CORIN: variants seen among roughly 807,000 people sequenced by gnomAD.
CORIN encodes the protein atrial natriuretic peptide-converting enzyme.
In CORIN, 117 loss-of-function variants were observed where a neutral mutation model predicts 125.3. That is an observed-to-expected ratio of 0.93 (90% CI 0.80 to 1.09). The LOEUF (loss-of-function observed/expected upper bound fraction) is 1.09, where lower values mean the gene tolerates loss of function less well. CORIN is among the 50% of genes least tolerant of loss of function. The pLI is 0.00. For synonymous variants in CORIN, 450 were observed against 466.4 expected, an observed-to-expected ratio of 0.96 and a Z score of 0.45; for missense variants, 1,253 against 1,306.7, an observed-to-expected ratio of 0.96 and a Z score of 0.63.
chr4:47,818,161 A>G (rs980712084), intron 1 of CORIN, among the ~76,000 whole-genome samples: 6 of 152,238 alleles, frequency 3.9e-5, no homozygotes, highest in African/African-American at 1.4e-4. Context: ...TTTGAAAAAC[A>G]TAGTTCAGTC....
chr4:47,837,753 C>G, intron 1 of CORIN, 134 bp downstream of exon 1: 1 of 838,916 alleles, frequency 1.2e-6, no homozygotes, highest in Non-Finnish European at 2.1e-6. Flanking sequence ...AGAGCGGGAG[C>G]TCACCGGCGG....
chr4:47,664,692 GAA>G (rs1387591141), intron 11 of CORIN, among the ~76,000 whole-genome samples: 1 of 152,098 alleles, frequency 6.6e-6, no homozygotes, highest in Non-Finnish European at 1.5e-5. Flanking sequence ...AGTGTTGCCA[GAA>G]AAAGAGGCAG....
chr4:47,677,038 CCT>C (rs1401143084), intron 9 of CORIN, among the ~76,000 whole-genome samples: 4 of 152,120 alleles, frequency 2.6e-5, no homozygotes, highest in Non-Finnish European at 5.9e-5. Context: ...TTACGACAAA[CCT>C]AATTTATCTA....
intron 14 of CORIN, 55 bp downstream of exon 14, chr4:47,645,026 T>C: frequency 1.0e-6 from 1 of 956,664 alleles, no homozygotes; most frequent in Non-Finnish European, 1.7e-6. Context: ...AAAATGAGAC[T>C]TAACTGGTGT....
In CORIN at chr4:47,697,109, T is replaced by C. The variant is rs116919969; in HGVS notation, c.800-4026A>G. On this transcript the variant is annotated intron_variant, in intron 5 of 21. Transcript: ENST00000273857. ...CGAAATCAAGTACTATAAACCACTA[T>C]TGCCCTTACCTTTTACAAGGTTATG... is the stretch of plus-strand genomic sequence containing the variant. Among the ~76,000 whole-genome samples the C allele has an allele frequency of 2.9e-4, 44 of 152,342 alleles. No homozygotes were observed. In the East Asian group the frequency reaches 8.3e-3, roughly 29 times the overall value.
At chr4:47,666,321 T>C (rs1026408900) in intron 10 of CORIN, among the ~76,000 whole-genome samples, 1 of 152,230 alleles carries the variant, frequency 6.6e-6, no homozygotes, top group Non-Finnish European at 1.5e-5. Context: ...AATGAGACTT[T>C]ATCTCTTGAT....
At position 47,594,643 on chromosome 4, in the gene CORIN, T is replaced by C. The variant is rs1463801062; in HGVS notation, c.*1078A>G. The C allele has an allele frequency of 6.6e-6, 1 of 152,196 alleles. No homozygotes were observed. Among genetic ancestry groups the C allele is most frequent in the Non-Finnish European group, 1.5e-5 (1 of 68,022 alleles). The allele number at this position is 152,196 out of a possible 1,614,324, so 9.4% of individuals were successfully genotyped here. ...ACTGTGCTCTAAAATATGCTCTTTA[T>C]GACTTTGTTGGTATGGATGAACGCA... On this transcript the variant is annotated 3_prime_UTR_variant, in exon 22 of 22. Transcript: ENST00000273857.
At chr4:47,736,834 G>A (rs1391130707) in intron 5 of CORIN, among the ~76,000 whole-genome samples, 2 of 152,168 alleles carry the variant, frequency 1.3e-5, no homozygotes, top group Non-Finnish European at 2.9e-5. Context: ...AGAACTTTTG[G>A]CAATTCCACA....
intron 2 of CORIN, among the ~76,000 whole-genome samples, chr4:47,796,013 T>A (rs995022523): frequency 6.6e-6 from 1 of 152,026 alleles, no homozygotes; most frequent in African/African-American, 2.4e-5. Flanking sequence ...ACACTGTTAG[T>A]AGGAATGTAA....
chr4:47,649,144 A>G (rs995789510), intron 13 of CORIN, among the ~76,000 whole-genome samples: 4 of 152,232 alleles, frequency 2.6e-5, no homozygotes, highest in Non-Finnish European at 5.9e-5. Context: ...TCCCACTCTT[A>G]GCAGTGCCAT....
intron 5 of CORIN, among the ~76,000 whole-genome samples, chr4:47,693,850 CCATTAATA>C (rs1245145843): frequency 6.6e-6 from 1 of 151,886 alleles, no homozygotes; most frequent in Non-Finnish European, 1.5e-5. Context: ...TTCAGGAAGA[CCATTAATA>C]AAAGGATAAA....
intron 17 of CORIN, among the ~76,000 whole-genome samples, chr4:47,624,556 T>C (rs1461603432): frequency 6.6e-6 from 1 of 152,178 alleles, no homozygotes; most frequent in African/African-American, 2.4e-5. Flanking sequence ...AGAGGAAAAG[T>C]AGCTTAAATT....
At chr4:47,740,858 T>G (rs1389533577) in intron 5 of CORIN, among the ~76,000 whole-genome samples, 1 of 151,964 alleles carries the variant, frequency 6.6e-6, no homozygotes, top group African/African-American at 2.4e-5. Flanking sequence ...TGGGAAAGAA[T>G]AGCTCTTCAA....
intron 16 of CORIN, among the ~76,000 whole-genome samples, chr4:47,630,980 T>C (rs1312439169): frequency 6.6e-6 from 1 of 152,164 alleles, no homozygotes; most frequent in Non-Finnish European, 1.5e-5. Context: ...CAGAACTCCT[T>C]GGCTAACAGA....
chr4:47,723,735 A>C (rs1727456135), intron 5 of CORIN, among the ~76,000 whole-genome samples: 1 of 152,146 alleles, frequency 6.6e-6, no homozygotes, highest in East Asian at 1.9e-4. Flanking sequence ...ACGGTGGCTC[A>C]TGCCTGTAAT....
chr4:47,646,130 C>T (rs1011403334), intron 13 of CORIN, among the ~76,000 whole-genome samples: 4 of 151,646 alleles, frequency 2.6e-5, no homozygotes, highest in African/African-American at 7.3e-5. Context: ...TTAACTGTTC[C>T]CTTTTCTTTC....
intron 6 of CORIN, among the ~76,000 whole-genome samples, 186 bp from the exon 7 acceptor site, chr4:47,684,024 G>T (rs964121966): frequency 6.6e-6 from 1 of 152,164 alleles, no homozygotes; most frequent in Admixed American, 6.5e-5. Flanking sequence ...CTTGAACAGT[G>T]GCTCCCAAGC....
At chr4:47,626,079 T>A (rs1722549080) in intron 17 of CORIN, among the ~76,000 whole-genome samples, 1 of 152,228 alleles carries the variant, frequency 6.6e-6, no homozygotes, top group South Asian at 2.1e-4. Flanking sequence ...TGTTTACTAG[T>A]TCTATGTAGC....
intron 2 of CORIN, among the ~76,000 whole-genome samples, chr4:47,795,548 C>T (rs1731254220): frequency 1.3e-5 from 2 of 150,274 alleles, no homozygotes; most frequent in African/African-American, 4.9e-5. Context: ...ATCCTATTAA[C>T]AAGGATTTCT....
Sources: gnomAD v4.1 joint callset for allele counts (sites outside exome capture counted in the v4.1 genomes callset) on GRCh38, gnomAD v4.1.1 for gene constraint, MANE v1.5 for transcripts, NCBI Gene and HGNC (gene_info 2026-07-23, HGNC 2026-07-21) for gene names.